Variants in POLN observed in about 807,000 individuals in gnomAD.
The protein encoded by POLN is DNA polymerase N.
POLN carries 108 observed loss-of-function variants against 113.5 expected under a neutral mutation model. The observed-to-expected ratio is 0.95, with a 90% CI of 0.81 to 1.12. The LOEUF (loss-of-function observed/expected upper bound fraction) is 1.12. Among genes scored for constraint, POLN ranks in the 50% most tolerant of loss-of-function variants. The pLI, the probability that POLN is intolerant of heterozygous loss-of-function variation, is 0.00. For synonymous variants in POLN, 386 were observed against 391.5 expected, an observed-to-expected ratio of 0.99 and a Z score of 0.17; for missense variants, 1,097 against 1,077.1, an observed-to-expected ratio of 1.02 and a Z score of -0.26.
chr4:2,220,775 C>T (rs1470226469), intron 3 of POLN, among the ~76,000 whole-genome samples: 1 of 152,100 alleles, frequency 6.6e-6, no homozygotes, highest in Non-Finnish European at 1.5e-5. Flanking sequence ...CAGTACTTTT[C>T]GACAGGGTTA....
rs554140604 is a variant in POLN, at chr4:2,229,362, T to C, written c.-12-119A>G. 62 of 854,534 alleles carry C rather than the reference T, an allele frequency of 7.3e-5. No homozygotes were observed. The African/African-American group carries it at 9.9e-4, about 14-fold the overall frequency. The allele number at this position is 854,534 out of a possible 1,614,324, so 52.9% of individuals were successfully genotyped here. A position where few individuals can be genotyped will look rare whatever the true frequency, so the allele number is the denominator to read the frequency against. On this transcript the variant is annotated intron_variant, in intron 2 of 25. Coordinates refer to ENST00000511885, the MANE Select transcript of POLN (RefSeq NM_181808.4). ...CTTTCATTTAAAATGTCTATATTCA[T>C]AACCACAGAAAATAGGCATCAATCA...
chr4:2,193,354 AT>A, intron 6 of POLN, 38 bp from the exon 7 acceptor site: 1 of 1,454,422 alleles, frequency 6.9e-7, no homozygotes, highest in Non-Finnish European at 9.4e-7. Flanking sequence ...TTAAACATTA[AT>A]TTGGGATTTT....
chr4:2,172,859 G>A (rs150419347), intron 11 of POLN, among the ~76,000 whole-genome samples: 4 of 152,298 alleles, frequency 2.6e-5, no homozygotes, highest in Admixed American at 6.5e-5. Flanking sequence ...TGCACTCAGA[G>A]GTACAGCGTG....
chr4:2,105,644 T>A (rs1163898414), intron 19 of POLN, among the ~76,000 whole-genome samples: 2 of 151,964 alleles, frequency 1.3e-5, no homozygotes, highest in Non-Finnish European at 2.9e-5. Context: ...ATAACTGGTA[T>A]AACACAAGGC....
intron 19 of POLN, among the ~76,000 whole-genome samples, chr4:2,121,450 A>ATATAT (rs542371348): frequency 5.0e-5 from 6 of 120,378 alleles, no homozygotes; most frequent in Admixed American, 8.4e-5. Flanking sequence ...AAAAAAAAAA[A>ATATAT]AAATATATAT....
intron 19 of POLN, among the ~76,000 whole-genome samples, chr4:2,096,686 A>AGAGAGAG (rs1730799447): frequency 4.6e-5 from 6 of 129,896 alleles, no homozygotes; most frequent in Non-Finnish European, 8.0e-5. Context: ...AGCCGAGAGA[A>AGAGAGAG]AGAGAGAGAG....
rs538742311 is a variant in POLN, at chr4:2,092,144, G to A, written c.2065+3707C>T. Among the ~76,000 whole-genome samples the A allele has an allele frequency of 9.8e-5, 15 of 152,294 alleles. No homozygotes were observed. In the South Asian group the frequency reaches 2.5e-3, roughly 25 times the overall value. ...ATGCACTGATGGCACAGTGCTGTGC[G>A]CCCAGGCCTCCTCCCGTGTCTCCTC... On this transcript the variant is annotated intron_variant, in intron 20 of 25. Coordinates refer to ENST00000511885, the MANE Select transcript of POLN (RefSeq NM_181808.4).
chr4:2,182,836 A>G (rs2108752419), intron 7 of POLN, among the ~76,000 whole-genome samples: 1 of 152,252 alleles, frequency 6.6e-6, no homozygotes, highest in East Asian at 1.9e-4. Context: ...AAAAAAAAAA[A>G]AGTGTGCTTC....
In POLN at chr4:2,170,716, G is replaced by T. The variant is rs146650604; in HGVS notation, c.1517C>A (p.Thr506Lys). 1 of 1,614,012 alleles carries T rather than the reference G, an allele frequency of 6.2e-7. No individual in the cohort carries two copies. Among genetic ancestry groups the T allele is most frequent in the African/African-American group, 1.3e-5 (1 of 74,912 alleles). ...TGTAGACGGGTATTTCTGCAACCCC[G>T]TTCTGGGGAGACTGTTCCTTTGACT... ...LLSQRNSLPR[T>K]GLQKYPSTSE... The change falls in exon 13 of 26, where the codon ACG (threonine) becomes AAG (lysine). Residue 506 changes from threonine to lysine, a missense_variant. Physicochemically the swap from Thr to Lys is moderately conservative, Grantham distance 78 (BLOSUM62 -1). Coordinates refer to ENST00000511885, the MANE Select transcript of POLN (RefSeq NM_181808.4).
chr4:2,190,018 C>A, intron 7 of POLN, among the ~76,000 whole-genome samples: 1 of 119,806 alleles, frequency 8.3e-6, no homozygotes, highest in Non-Finnish European at 1.6e-5. Flanking sequence ...AGCAAGACTC[C>A]ATCTCAAAAA....
intron 3 of POLN, among the ~76,000 whole-genome samples, chr4:2,215,475 C>T (rs1019634838): frequency 1.3e-5 from 2 of 152,182 alleles, no homozygotes; most frequent in African/African-American, 2.4e-5. Flanking sequence ...CAAAGGCCTG[C>T]CCTGAGCTGA....
chr4:2,104,696 G>A (rs1731008588), intron 19 of POLN, among the ~76,000 whole-genome samples: 1 of 152,182 alleles, frequency 6.6e-6, no homozygotes, highest in Admixed American at 6.5e-5. Context: ...AGCCTCACTT[G>A]CAAGTGGCAT....
intron 19 of POLN, among the ~76,000 whole-genome samples, chr4:2,115,223 TATATA>T (rs1731287577): frequency 1.1e-5 from 1 of 90,684 alleles, no homozygotes; most frequent in Non-Finnish European, 2.2e-5. Flanking sequence ...TATATATATA[TATATA>T]TTTTTTTTTT....
At chr4:2,177,781 T>C (rs1212298818) in intron 8 of POLN, among the ~76,000 whole-genome samples, 1 of 152,242 alleles carries the variant, frequency 6.6e-6, no homozygotes, top group Admixed American at 6.5e-5. Flanking sequence ...GGGATACTAA[T>C]CAAGATGCCT....
At chr4:2,080,792 C>A in intron 23 of POLN, 166 bp downstream of exon 23, 1 of 1,486,952 alleles carries the variant, frequency 6.7e-7, no homozygotes, top group South Asian at 1.3e-5. Context: ...TGTCTGCATG[C>A]CTGCTGTGAG....
chr4:2,167,631 A>ATTT (rs1560079916), intron 13 of POLN, among the ~76,000 whole-genome samples: 2 of 152,096 alleles, frequency 1.3e-5, no homozygotes, highest in African/African-American at 4.8e-5. Flanking sequence ...AGGCATGGTG[A>ATTT]CTCATGCCTG....
Position 2,241,657 on chromosome 4 carries a change from G to A in POLN, c.-150C>T. On this transcript the variant is annotated 5_prime_UTR_variant, in exon 2 of 26. Coordinates refer to ENST00000511885, the MANE Select transcript of POLN (RefSeq NM_181808.4). ...CTTCAGCCAGCGCTGAGGCAGCCCC[G>A]ACGCCAGGGCCGCGCGAACCCCAGA... The A allele has an allele frequency of 2.0e-6, 2 of 985,438 alleles. No individual in the cohort carries two copies. The highest frequency in any genetic ancestry group is 2.4e-6 in the Non-Finnish European group (2 of 829,926). The allele number at this position is 985,438 out of a possible 1,614,324, so 61.0% of individuals were successfully genotyped here.
intron 16 of POLN, among the ~76,000 whole-genome samples, chr4:2,145,996 G>A (rs916482476): frequency 6.6e-6 from 1 of 151,520 alleles, no homozygotes; most frequent in African/African-American, 2.4e-5. Flanking sequence ...AATGAAAACA[G>A]CAAATTTATA....
intron 20 of POLN, among the ~76,000 whole-genome samples, chr4:2,087,982 T>C (rs3135060): frequency 0.84 from 127,643 of 151,674 alleles, 54,275 homozygotes; most frequent in Non-Finnish European, 0.9. Context: ...GTATGCCCAC[T>C]GTGCCTGGTT....
Sources: allele counts gnomAD v4.1 joint callset (sites outside exome capture counted in the v4.1 genomes callset), GRCh38; gene constraint gnomAD v4.1.1; transcripts MANE v1.5; gene names NCBI Gene and HGNC (gene_info 2026-07-23, HGNC 2026-07-21).